PDE3B: variants seen among roughly 807,000 people sequenced by gnomAD.
PDE3B encodes the protein cGMP-inhibited 3',5'-cyclic phosphodiesterase 3B.
A neutral mutation model predicts 116.8 loss-of-function variants in PDE3B; 66 were observed. The observed-to-expected ratio is 0.56, with a 90% CI of 0.46 to 0.69. The LOEUF (loss-of-function observed/expected upper bound fraction) is 0.69. Ranked by LOEUF, PDE3B falls within the 30% of genes least tolerant of loss-of-function variation. The pLI is 0.00. For missense variants in PDE3B, 1,384 were observed against 1,368.1 expected (o/e 1.01, Z -0.18); for synonymous variants, 595 against 533.6 (o/e 1.12, Z -1.59).
chr11:14,663,757 C>G (rs1235757787), intron 1 of PDE3B, among the ~76,000 whole-genome samples: 1 of 152,160 alleles, frequency 6.6e-6, no homozygotes, highest in Non-Finnish European at 1.5e-5. Flanking sequence ...CAGGAGCACC[C>G]AGATTCAGAA....
intron 1 of PDE3B, among the ~76,000 whole-genome samples, chr11:14,723,666 C>T (rs948080085): frequency 2.6e-5 from 4 of 151,672 alleles, no homozygotes; most frequent in Non-Finnish European, 2.9e-5. Flanking sequence ...GAGGCTGAGG[C>T]AGGAGGATCG....
intron 1 of PDE3B, among the ~76,000 whole-genome samples, chr11:14,689,572 A>C (rs1379895076): frequency 6.6e-6 from 1 of 152,184 alleles, no homozygotes; most frequent in African/African-American, 2.4e-5. Flanking sequence ...CTGAAAAAAA[A>C]GAGTGTAGAT....
At chr11:14,817,327 C>T (rs943913601) in intron 5 of PDE3B, among the ~76,000 whole-genome samples, 9 of 151,932 alleles carry the variant, frequency 5.9e-5, no homozygotes, top group East Asian at 1.9e-4. Flanking sequence ...AGGAGATATA[C>T]CTAATGTAAA....
intron 1 of PDE3B, among the ~76,000 whole-genome samples, chr11:14,707,314 A>C (rs1281273060): frequency 6.6e-6 from 1 of 151,910 alleles, no homozygotes; most frequent in Admixed American, 6.6e-5. Context: ...GGTATATTTG[A>C]ATTCTTACAA....
At chr11:14,879,137 T>C in the PDE3B span, 13 of 1,613,030 alleles carry the variant, frequency 8.1e-6, no homozygotes, top group African/African-American at 1.3e-5. Flanking sequence ...AACCAAAGCT[T>C]CCTTCTTGGC....
At chr11:14,826,673 A>T (rs1859699961) in intron 7 of PDE3B, among the ~76,000 whole-genome samples, 1 of 152,188 alleles carries the variant, frequency 6.6e-6, no homozygotes, top group Non-Finnish European at 1.5e-5. Context: ...CCAGGACCAG[A>T]TGGATTCACA....
chr11:14,766,898 C>A (rs1343240019), intron 1 of PDE3B, among the ~76,000 whole-genome samples: 1 of 151,648 alleles, frequency 6.6e-6, no homozygotes, highest in African/African-American at 2.4e-5. Flanking sequence ...GTCTGCTATT[C>A]TTCCTCAAGT....
intron 5 of PDE3B, among the ~76,000 whole-genome samples, chr11:14,808,602 G>A (rs934788094): frequency 6.6e-6 from 1 of 152,186 alleles, no homozygotes; most frequent in African/African-American, 2.4e-5. Flanking sequence ...AAGTAAAATT[G>A]TATTTGCAGA....
chr11:14,788,509 T>C (rs978095991), intron 3 of PDE3B, among the ~76,000 whole-genome samples: 2 of 152,024 alleles, frequency 1.3e-5, no homozygotes, highest in East Asian at 1.9e-4. Context: ...GAAACTATTA[T>C]GTAAATCTCA....
chr11:14,679,722 G>A (rs1854641707), intron 1 of PDE3B, among the ~76,000 whole-genome samples: 1 of 151,674 alleles, frequency 6.6e-6, no homozygotes, highest in Non-Finnish European at 1.5e-5. Context: ...ACTCACATGT[G>A]TTTCAGGCAA....
rs1023904047 is a variant in PDE3B, at chr11:14,761,157, G to A, written c.979-10780G>A. Among the ~76,000 whole-genome samples the A allele has an allele frequency of 9.2e-5, 14 of 152,116 alleles. No homozygotes were observed. In the East Asian group the frequency reaches 2.3e-3, roughly 25 times the overall value. On this transcript the variant is annotated intron_variant, in intron 1 of 15. Transcript: ENST00000282096. ...GCGCTATTAATATAGAAAAAAGACCGTTGAATTAAAAATAGAAGTCTTTAA... is the reference window on the plus strand; with the variant it reads ...GCGCTATTAATATAGAAAAAAGACCATTGAATTAAAAATAGAAGTCTTTAA...
intron 1 of PDE3B, among the ~76,000 whole-genome samples, chr11:14,741,275 C>G (rs372672352): frequency 2.6e-4 from 39 of 152,182 alleles, no homozygotes; most frequent in African/African-American, 8.4e-4. Flanking sequence ...TATTATGAAT[C>G]TGGGTGCTCG....
At chr11:14,780,886 C>T (rs979293960) in intron 2 of PDE3B, among the ~76,000 whole-genome samples, 9 of 151,878 alleles carry the variant, frequency 5.9e-5, no homozygotes, top group Admixed American at 1.3e-4. Context: ...AGCTGGTTTT[C>T]TGAGAAGATC....
At chr11:14,745,450 CTTT>C (rs1350503354) in intron 1 of PDE3B, among the ~76,000 whole-genome samples, 2 of 151,718 alleles carry the variant, frequency 1.3e-5, no homozygotes, top group African/African-American at 4.8e-5. Flanking sequence ...TAACCACGTA[CTTT>C]TCTTGTTCCT....
chr11:14,780,861 A>G (rs1046055610), intron 2 of PDE3B, among the ~76,000 whole-genome samples: 2 of 152,228 alleles, frequency 1.3e-5, no homozygotes, highest in African/African-American at 4.8e-5. Context: ...CCTTCAAAAA[A>G]TCAATGAATC....
chr11:14,745,644 C>A (rs1243995771), intron 1 of PDE3B, among the ~76,000 whole-genome samples: 1 of 152,070 alleles, frequency 6.6e-6, no homozygotes, highest in Non-Finnish European at 1.5e-5. Flanking sequence ...GGATAGGAAT[C>A]TTTTATTATG....
At chr11:14,797,416 C>CT (rs372128485) in intron 4 of PDE3B, among the ~76,000 whole-genome samples, 3,825 of 152,220 alleles carry the variant, frequency 0.025, 193 homozygotes, top group African/African-American at 0.087. Flanking sequence ...TATGAGGGAT[C>CT]TTTTTTGGTT....
In PDE3B at chr11:14,868,153, A is replaced by C. The variant is rs542780356; in HGVS notation, c.3139+395A>C. ...ACTTCTATATGCCGGGTACTGGGTG[A>C]ATACTGTCATACAACAAGCATTCTT... On this transcript the variant is annotated intron_variant, in intron 15 of 15. Coordinates refer to ENST00000282096, the MANE Select transcript of PDE3B (RefSeq NM_000922.4). 2.6e-5 allele frequency among the ~76,000 whole-genome samples: 4 copies of C among 152,326 alleles called. No homozygotes were observed. In the East Asian group the frequency reaches 5.8e-4, roughly 22 times the overall value.
chr11:14,756,556 G>A (rs750645667), intron 1 of PDE3B, among the ~76,000 whole-genome samples: 8 of 152,150 alleles, frequency 5.3e-5, no homozygotes, highest in Admixed American at 3.3e-4. Context: ...GGTGCCTCCC[G>A]TAGTCCTAAT....
Sources: gnomAD v4.1 joint callset for allele counts (sites outside exome capture counted in the v4.1 genomes callset) on GRCh38, gnomAD v4.1.1 for gene constraint, MANE v1.5 for transcripts, NCBI Gene and HGNC (gene_info 2026-07-23, HGNC 2026-07-21) for gene names.